RCOR1: variants seen among roughly 807,000 people sequenced by gnomAD.
RCOR1 encodes the protein REST corepressor.
RCOR1 carries 12 observed loss-of-function variants against 64.0 expected under a neutral mutation model. That is an observed-to-expected ratio of 0.19 (90% CI 0.12 to 0.30). The LOEUF (loss-of-function observed/expected upper bound fraction) is 0.30. Among genes scored for constraint, RCOR1 ranks in the 10% least tolerant of loss-of-function variants. RCOR1 has a pLI of 1.00. For synonymous variants in RCOR1, 279 were observed against 227.2 expected (o/e 1.23, Z -2.05); for missense variants, 502 against 621.2 (o/e 0.81, Z 2.04).
Position 102,593,032 on chromosome 14 carries a change from C to T in RCOR1, c.146C>T (p.Ala49Val), listed in dbSNP as rs1456231901. Residue 49 changes from alanine to valine, a missense_variant, in exon 1 of 12, where the codon GCC becomes GTC. Physicochemically the swap from Ala to Val is moderately conservative, Grantham distance 64. Around this residue, in one of 2 missense-constraint regions of RCOR1, gnomAD observed 242 missense variants for 204.9 expected, o/e 1.18. Coordinates refer to ENST00000262241, the MANE Select transcript of RCOR1 (RefSeq NM_015156.4). ...CCAGCCGCCACTGCCGCCTCGGGCGCCGCCGCCTCCTCAGCCTCGGCCGCC... is the reference window on the plus strand; with the variant it reads ...CCAGCCGCCACTGCCGCCTCGGGCGTCGCCGCCTCCTCAGCCTCGGCCGCC... ...ASPAATAASG[A>V]AASSASAAAA... 6 of 1,276,602 alleles carry T rather than the reference C, an allele frequency of 4.7e-6. No individual in the cohort carries two copies. Among genetic ancestry groups the T allele is most frequent in the Non-Finnish European group, 4.0e-6 (4 of 1,003,734 alleles). 79.1% of individuals were successfully genotyped at this position (1,276,602 alleles called of 1,614,324 possible).
At chr14:102,657,389 G>A (rs1227219611) in intron 2 of RCOR1, 6 of 985,110 alleles carry the variant, frequency 6.1e-6, no homozygotes, top group East Asian at 2.3e-4. Flanking sequence ...CTTCTTCTTG[G>A]AGCTAATTTC....
At chr14:102,622,741 T>A (rs1164952451) in intron 2 of RCOR1, among the ~76,000 whole-genome samples, 1 of 152,160 alleles carries the variant, frequency 6.6e-6, no homozygotes, top group African/African-American at 2.4e-5. Flanking sequence ...CCTCCATCCC[T>A]TTTGTGTTAC....
intron 2 of RCOR1, among the ~76,000 whole-genome samples, chr14:102,633,275 A>G (rs1171853796): frequency 6.6e-6 from 1 of 152,158 alleles, no homozygotes; most frequent in Non-Finnish European, 1.5e-5. Context: ...GGGAAGATAT[A>G]ATAAAGGCTT....
intron 2 of RCOR1, among the ~76,000 whole-genome samples, chr14:102,664,810 AGAG>A (rs1464853509): frequency 6.6e-6 from 1 of 150,554 alleles, no homozygotes; most frequent in Non-Finnish European, 1.5e-5. Context: ...GGCAAATAAT[AGAG>A]GAGAAAGAAA....
In RCOR1 at chr14:102,679,627, C is replaced by T. The variant is rs201505007; in HGVS notation, c.362-2268C>T. Among the ~76,000 whole-genome samples, 9 of 152,154 alleles carry T rather than the reference C, an allele frequency of 5.9e-5. No homozygotes were observed. The East Asian group carries it at 7.7e-4, about 13-fold the overall frequency. ...CCGAGTAGCTGGGACTACAGGCGCCCGCCACCACGCCCGGCTAATTTTTTG... is the reference window on the plus strand; with the variant it reads ...CCGAGTAGCTGGGACTACAGGCGCCTGCCACCACGCCCGGCTAATTTTTTG... On this transcript the variant is annotated intron_variant, in intron 2 of 11. Coordinates refer to ENST00000262241, the MANE Select transcript of RCOR1 (RefSeq NM_015156.4).
chr14:102,716,126 T>C (rs1595244136), intron 8 of RCOR1, among the ~76,000 whole-genome samples: 2 of 152,372 alleles, frequency 1.3e-5, no homozygotes, highest in South Asian at 4.1e-4. Context: ...ACTTTTTATT[T>C]GGCAGTTCCC....
At chr14:102,612,446 G>A (rs1429682069) in intron 2 of RCOR1, among the ~76,000 whole-genome samples, 1 of 151,592 alleles carries the variant, frequency 6.6e-6, no homozygotes, top group African/African-American at 2.4e-5. Flanking sequence ...CGATCTGCCC[G>A]CCTCAGCCTC....
intron 2 of RCOR1, among the ~76,000 whole-genome samples, chr14:102,667,539 A>G (rs1429016785): frequency 3.3e-5 from 5 of 152,076 alleles, no homozygotes; most frequent in African/African-American, 1.2e-4. Flanking sequence ...AAAAATAATG[A>G]ATTGTGCTTC....
At chr14:102,646,902 A>G (rs1011666595) in intron 2 of RCOR1, among the ~76,000 whole-genome samples, 2 of 152,262 alleles carry the variant, frequency 1.3e-5, no homozygotes, top group African/African-American at 2.4e-5. Context: ...AACTAAAGCA[A>G]TTATGATATA....
chr14:102,685,078 GT>G (rs1252830921), intron 3 of RCOR1, among the ~76,000 whole-genome samples: 5 of 147,934 alleles, frequency 3.4e-5, no homozygotes, highest in African/African-American at 9.9e-5. Flanking sequence ...GTGTGTGTGT[GT>G]TTTTTTTTTC....
rs1895945309 is a variant in RCOR1, at chr14:102,710,962, A to C, written c.807A>C (p.Gly269=). 6.2e-7 allele frequency: 1 copy of C among 1,608,818 alleles called. No individual in the cohort carries two copies. Among genetic ancestry groups the C allele is most frequent in the Middle Eastern group, 1.7e-4 (1 of 6,050 alleles). Residue 269 remains glycine (G), a synonymous_variant, in exon 7 of 12, where the codon GGA becomes GGC. Transcript: ENST00000262241. ...AGGATGAACTGGAAGAGGCAAATGG[A>C]AACAATCCCATTGACATTGAGGTTG... ...ESEDELEEAN[G]NNPIDIEVDQ...
chr14:102,697,877 T>C (rs1319084968), intron 3 of RCOR1, among the ~76,000 whole-genome samples: 1 of 152,114 alleles, frequency 6.6e-6, no homozygotes, highest in Non-Finnish European at 1.5e-5. Flanking sequence ...CGCACCACCG[T>C]GCCCAGCTGA....
chr14:102,715,085 T>C (rs142951945), intron 8 of RCOR1, among the ~76,000 whole-genome samples: 109 of 152,114 alleles, frequency 7.2e-4, no homozygotes, highest in Admixed American at 1.4e-3. Flanking sequence ...TTTTTTTTTT[T>C]TGAGACGGTG....
chr14:102,611,590 C>T lies in RCOR1; in HGVS notation c.361+18265C>T, dbSNP rs574883809. ...TCTATAAATATTCTTGAGTTTTGTT[C>T]TGAGATGTGGTTAAAATACTTAAAA... On this transcript the variant is annotated intron_variant, in intron 2 of 11. Transcript: ENST00000262241. 9.9e-5 allele frequency among the ~76,000 whole-genome samples: 15 copies of T among 152,164 alleles called. No homozygotes were observed. In the South Asian group the frequency reaches 3.1e-3, roughly 32 times the overall value.
intron 2 of RCOR1, among the ~76,000 whole-genome samples, chr14:102,676,852 A>G (rs796535651): frequency 0.69 from 40,844 of 59,226 alleles, 13,430 homozygotes; most frequent in East Asian, 0.93. Flanking sequence ...TGGCCGGGCG[A>G]GGGGCTGACC....
intron 4 of RCOR1, among the ~76,000 whole-genome samples, chr14:102,706,660 T>C (rs1895865697): frequency 6.6e-6 from 1 of 152,050 alleles, no homozygotes; most frequent in Non-Finnish European, 1.5e-5. Flanking sequence ...ACCCTGTCTC[T>C]ACAGAAAGTA....
At chr14:102,715,102 T>G (rs1896044470) in intron 8 of RCOR1, among the ~76,000 whole-genome samples, 1 of 151,468 alleles carries the variant, frequency 6.6e-6, no homozygotes, top group South Asian at 2.1e-4. Flanking sequence ...GGTGTCTCGC[T>G]CTGTCGCCCA....
rs1894662597 is a variant in RCOR1, at chr14:102,653,979, CTTTCTTTTTTTT to C, written c.362-27912_362-27901del. Among the ~76,000 whole-genome samples, 5 of 22,080 alleles carry C rather than the reference CTTTCTTTTTTTT, an allele frequency of 2.3e-4. No homozygotes were observed. In the South Asian group the frequency reaches 5.4e-3, roughly 24 times the overall value. 14.5% of individuals were successfully genotyped at this position (22,080 alleles called of 152,430 possible). On this transcript the variant is annotated intron_variant, in intron 2 of 11. Transcript: ENST00000262241. ...TCTTTCTTTCTTTCTTTCTTTCTTT[CTTTCTTTTTTTT>C]TTTTTTTTTTTTGAGACGGAGTCTG...
At chr14:102,657,014 A>T in intron 2 of RCOR1, 1 of 823,398 alleles carries the variant, frequency 1.2e-6, no homozygotes, top group Non-Finnish European at 1.5e-6. Flanking sequence ...ACCTCATGTG[A>T]TCCACCCGCA....
Sources: gnomAD v4.1 joint callset for allele counts (sites outside exome capture counted in the v4.1 genomes callset) on GRCh38, gnomAD v4.1.1 for gene constraint, gnomAD v4.1.1 regional missense constraint, MANE v1.5 for transcripts, NCBI Gene and HGNC (gene_info 2026-07-23, HGNC 2026-07-21) for gene names.